Variants in CLIC4 observed in about 807,000 individuals in gnomAD.
CLIC4 encodes the protein chloride intracellular channel protein 4.
In CLIC4, 13 loss-of-function variants were observed where a neutral mutation model predicts 24.6. The observed-to-expected ratio is 0.53, with a 90% CI of 0.34 to 0.84. The LOEUF (loss-of-function observed/expected upper bound fraction) is 0.84. Ranked by LOEUF, CLIC4 falls within the 40% of genes least tolerant of loss-of-function variation. The probability of loss-of-function intolerance (pLI) is 0.01; values close to 1 mark genes in which losing one functional copy is unlikely to be tolerated. For synonymous variants in CLIC4, 104 were observed against 111.3 expected, an observed-to-expected ratio of 0.93 and a Z score of 0.41; for missense variants, 227 against 301.7, an observed-to-expected ratio of 0.75 and a Z score of 1.83.
chr1:24,772,733 C>G (rs894669066), intron 1 of CLIC4, among the ~76,000 whole-genome samples: 4 of 152,200 alleles, frequency 2.6e-5, no homozygotes, highest in African/African-American at 9.6e-5. Context: ...ATCCACCCAC[C>G]TTGGCCTCCC....
intron 1 of CLIC4, among the ~76,000 whole-genome samples, chr1:24,781,911 A>C (rs894276642): frequency 2.0e-4 from 30 of 151,772 alleles, no homozygotes; most frequent in Non-Finnish European, 1.3e-4. Context: ...TGGCCTCCCA[A>C]AGTGCTGGGA....
intron 1 of CLIC4, among the ~76,000 whole-genome samples, chr1:24,770,278 C>T (rs1017802448): frequency 6.6e-6 from 1 of 151,332 alleles, no homozygotes; most frequent in Non-Finnish European, 1.5e-5. Context: ...CTCTCCCTTT[C>T]TCCCTTCCTC....
At chr1:24,755,232 C>T (rs976548016) in intron 1 of CLIC4, among the ~76,000 whole-genome samples, 1 of 151,442 alleles carries the variant, frequency 6.6e-6, no homozygotes, top group African/African-American at 2.4e-5. Context: ...TCCCAAAGTA[C>T]TGGGATTACA....
At chr1:24,791,001 C>T (rs1639327383) in intron 1 of CLIC4, among the ~76,000 whole-genome samples, 1 of 151,828 alleles carries the variant, frequency 6.6e-6, no homozygotes, top group Admixed American at 6.6e-5. Flanking sequence ...AGAACCCCAT[C>T]TCTATTAAAA....
intron 3 of CLIC4, among the ~76,000 whole-genome samples, chr1:24,816,234 G>GGTT (rs1474200112): frequency 1.6e-5 from 1 of 62,124 alleles, no homozygotes; most frequent in Non-Finnish European, 2.9e-5. Context: ...GAATGTTCGT[G>GGTT]TTTTTTTTTT....
intron 5 of CLIC4, 32 bp downstream of exon 5, chr1:24,840,073 AT>A: frequency 6.3e-7 from 1 of 1,579,606 alleles, no homozygotes; most frequent in Non-Finnish European, 8.7e-7. Flanking sequence ...TCGCATTGCC[AT>A]TACCTTGTAT....
intron 1 of CLIC4, among the ~76,000 whole-genome samples, chr1:24,779,151 G>T (rs1639175592): frequency 6.6e-6 from 1 of 152,040 alleles, no homozygotes; most frequent in Non-Finnish European, 1.5e-5. Flanking sequence ...GTTATAAAAA[G>T]ACAAATAGGA....
chr1:24,802,722 T>C (rs1253513824), intron 2 of CLIC4, among the ~76,000 whole-genome samples: 2 of 151,160 alleles, frequency 1.3e-5, no homozygotes, highest in African/African-American at 2.4e-5. Context: ...TTTTTTTTTT[T>C]TTTTTGAGAC....
intron 1 of CLIC4, among the ~76,000 whole-genome samples, chr1:24,796,312 G>T (rs754710064): frequency 6.6e-6 from 1 of 151,818 alleles, no homozygotes; most frequent in African/African-American, 2.4e-5. Flanking sequence ...CCTCAGCCTC[G>T]CAAGTAGCTG....
At chr1:24,758,593 AC>A (rs1391481959) in intron 1 of CLIC4, among the ~76,000 whole-genome samples, 1 of 151,842 alleles carries the variant, frequency 6.6e-6, no homozygotes, top group East Asian at 1.9e-4. Context: ...ACTGGCTGGG[AC>A]TAGAGACACG....
chr1:24,800,772 C>T (rs906662726), intron 2 of CLIC4, among the ~76,000 whole-genome samples: 3 of 152,162 alleles, frequency 2.0e-5, no homozygotes, highest in African/African-American at 2.4e-5. Flanking sequence ...TTACCCCCAA[C>T]CCTGTGCTCT....
In CLIC4 at chr1:24,827,075, T is replaced by C; in HGVS notation, c.374T>C (p.Phe125Ser). 1 of 1,611,366 alleles carries C rather than the reference T, an allele frequency of 6.2e-7. No homozygotes were observed. The highest frequency in any genetic ancestry group is 8.5e-7 in the Non-Finnish European group (1 of 1,178,926). The change falls in exon 4 of 6, where the codon TTC becomes TCC. Residue 125 changes from phenylalanine (F) to serine (S), a missense_variant. Physicochemically the swap from Phe to Ser is radical, Grantham distance 155. Transcript: ENST00000374379. ...GCTGGAATGGACATCTTTGCCAAAT[T>C]CTCTGCATATATCAAGAATTCAAGG... ...NTAGMDIFAK[F>S]SAYIKNSRPE...
rs568604040 is a variant in CLIC4 at position 24,771,102 on chromosome 1, C to T, written c.72+25477C>T. Among the ~76,000 whole-genome samples, 39 of 152,306 alleles carry T rather than the reference C, an allele frequency of 2.6e-4. No homozygotes were observed. In the Middle Eastern group the frequency reaches 0.01, roughly 40 times the overall value. On this transcript the variant is annotated intron_variant, in intron 1 of 5. Transcript: ENST00000374379. ...GCATTCCTAAACACTCAAGCCCTTA[C>T]GAACGTGCTATGCTTCTGAAGAGAA...
intron 1 of CLIC4, among the ~76,000 whole-genome samples, chr1:24,796,473 C>T (rs578245092): frequency 3.5e-4 from 54 of 152,306 alleles, no homozygotes; most frequent in Non-Finnish European, 6.6e-4. Context: ...AGGCGTGAGC[C>T]ACTGCACCCA....
chr1:24,775,867 TTTC>T (rs1476209810), intron 1 of CLIC4, among the ~76,000 whole-genome samples: 1 of 151,948 alleles, frequency 6.6e-6, no homozygotes, highest in Non-Finnish European at 1.5e-5. Flanking sequence ...GGTTTTTCCA[TTTC>T]TTCTTATAGG....
chr1:24,785,082 CTTTTTT>C (rs71577732), intron 1 of CLIC4, among the ~76,000 whole-genome samples: 1 of 137,506 alleles, frequency 7.3e-6, no homozygotes, highest in Admixed American at 7.4e-5. Context: ...TTATGTAGAC[CTTTTTT>C]TTTTTTTTTT....
intron 1 of CLIC4, among the ~76,000 whole-genome samples, chr1:24,775,827 CT>C (rs901137221): frequency 0.015 from 2,003 of 136,080 alleles, 40 homozygotes; most frequent in African/African-American, 0.047. Context: ...TCCTTGATTA[CT>C]TTTTTTTTTT....
chr1:24,826,293 G>C (rs1443189068), intron 3 of CLIC4, among the ~76,000 whole-genome samples: 1 of 152,176 alleles, frequency 6.6e-6, no homozygotes, highest in Non-Finnish European at 1.5e-5. Context: ...GTAATATAAG[G>C]GAGGTTTTGG....
intron 1 of CLIC4, among the ~76,000 whole-genome samples, chr1:24,773,011 T>C (rs1571236535): frequency 1.3e-5 from 2 of 152,324 alleles, no homozygotes; most frequent in East Asian, 3.9e-4. Context: ...TTAAGCAATA[T>C]TGTGATATAT....
Sources: gnomAD v4.1 joint callset for allele counts (sites outside exome capture counted in the v4.1 genomes callset) on GRCh38, gnomAD v4.1.1 for gene constraint, MANE v1.5 for transcripts, NCBI Gene and HGNC (gene_info 2026-07-23, HGNC 2026-07-21) for gene names.